The following FRMD5 variants were observed in gnomAD, a reference collection of about 807,000 sequenced individuals.
FRMD5 encodes the protein FERM domain containing 5.
In FRMD5, 20 loss-of-function variants were observed where a neutral mutation model predicts 69.0. The ratio of observed to expected loss-of-function variants is 0.29; its 90% CI spans 0.20 to 0.42. The LOEUF (loss-of-function observed/expected upper bound fraction) is 0.42. Among genes scored for constraint, FRMD5 ranks in the 10% least tolerant of loss-of-function variants. The pLI, the probability that FRMD5 is intolerant of heterozygous loss-of-function variation, is 1.00. For synonymous variants in FRMD5, 271 were observed against 260.1 expected, an observed-to-expected ratio of 1.04 and a Z score of -0.40; for missense variants, 595 against 708.6, an observed-to-expected ratio of 0.84 and a Z score of 1.82.
intron 1 of FRMD5, among the ~76,000 whole-genome samples, chr15:44,099,313 G>A (rs1213750521): frequency 6.6e-6 from 1 of 152,144 alleles, no homozygotes; most frequent in Admixed American, 6.5e-5. Context: ...GGTCTAGAGT[G>A]GGGCCTGAGA....
intron 1 of FRMD5, among the ~76,000 whole-genome samples, chr15:44,135,739 T>G (rs1595506061): frequency 6.7e-6 from 1 of 149,818 alleles, no homozygotes; most frequent in East Asian, 2.0e-4. Flanking sequence ...GCAGGAGAAT[T>G]GCTTGAATCC....
chr15:43,939,189 G>T (rs1247357448), intron 1 of FRMD5, among the ~76,000 whole-genome samples: 5 of 151,926 alleles, frequency 3.3e-5, no homozygotes, highest in African/African-American at 1.2e-4. Context: ...TTTATTTTTT[G>T]ATCAGAACAT....
chr15:44,167,788 G>A (rs895116231), intron 1 of FRMD5, among the ~76,000 whole-genome samples: 2 of 151,998 alleles, frequency 1.3e-5, no homozygotes, highest in Admixed American at 6.6e-5. Context: ...ACGGGGTTTC[G>A]CTATGTTGGC....
intron 1 of FRMD5, among the ~76,000 whole-genome samples, chr15:43,980,552 T>C (rs1595583461): frequency 1.3e-5 from 2 of 152,234 alleles, no homozygotes; most frequent in East Asian, 3.8e-4. Context: ...CTTTCAATAC[T>C]CCCTGGCTTG....
At chr15:44,028,048 C>A (rs1416339593) in intron 1 of FRMD5, among the ~76,000 whole-genome samples, 2 of 152,090 alleles carry the variant, frequency 1.3e-5, no homozygotes, top group Non-Finnish European at 2.9e-5. Flanking sequence ...ATCAATGGGG[C>A]AAGGATGTGT....
chr15:44,009,313 T>C (rs1419671513), intron 1 of FRMD5, among the ~76,000 whole-genome samples: 1 of 152,162 alleles, frequency 6.6e-6, no homozygotes, highest in Admixed American at 6.5e-5. Context: ...TAAACATGGC[T>C]GGGGGGAACC....
intron 1 of FRMD5, among the ~76,000 whole-genome samples, chr15:44,082,221 T>C (rs1262314099): frequency 6.6e-6 from 1 of 151,900 alleles, no homozygotes; most frequent in Non-Finnish European, 1.5e-5. Flanking sequence ...AGGGGAAAAG[T>C]TGAGTTTAAA....
intron 1 of FRMD5, among the ~76,000 whole-genome samples, chr15:43,955,423 G>C (rs893177170): frequency 2.6e-5 from 4 of 152,194 alleles, no homozygotes; most frequent in African/African-American, 9.7e-5. Flanking sequence ...ATCATCTCAA[G>C]CCAAAAATAC....
At chr15:44,160,816 A>T (rs1349877979) in intron 1 of FRMD5, among the ~76,000 whole-genome samples, 2 of 152,200 alleles carry the variant, frequency 1.3e-5, no homozygotes, top group Admixed American at 1.3e-4. Flanking sequence ...CTTGTCTATA[A>T]AATTCCCTTT....
At chr15:44,094,215 G>C (rs1032497321) in intron 1 of FRMD5, among the ~76,000 whole-genome samples, 1 of 152,194 alleles carries the variant, frequency 6.6e-6, no homozygotes, top group Non-Finnish European at 1.5e-5. Flanking sequence ...CTACCAAGTA[G>C]ACTGTGGAAC....
intron 13 of FRMD5, among the ~76,000 whole-genome samples, chr15:43,877,869 G>A (rs934743292): frequency 2.0e-5 from 3 of 152,220 alleles, no homozygotes; most frequent in African/African-American, 7.2e-5. Context: ...CCGCTTTCTA[G>A]TTCATGATCC....
intron 1 of FRMD5, among the ~76,000 whole-genome samples, chr15:44,085,119 T>C (rs977226878): frequency 5.9e-5 from 9 of 152,156 alleles, no homozygotes; most frequent in African/African-American, 2.2e-4. Context: ...ATTGCAACAA[T>C]CAGTTTGTTG....
intron 1 of FRMD5, among the ~76,000 whole-genome samples, chr15:43,978,140 G>T (rs1019176276): frequency 2.9e-4 from 44 of 152,302 alleles, no homozygotes; most frequent in African/African-American, 1.0e-3. Context: ...CTGTTTGGCC[G>T]TTGAGTTGCC....
chr15:44,183,662 T>C (rs1459387630), intron 1 of FRMD5, among the ~76,000 whole-genome samples: 1 of 152,132 alleles, frequency 6.6e-6, no homozygotes, highest in Non-Finnish European at 1.5e-5. Flanking sequence ...ATTAAGCCTC[T>C]ACCATCACAC....
chr15:43,902,432 A>G (rs1258788157), intron 6 of FRMD5, among the ~76,000 whole-genome samples, 170 bp from the exon 7 acceptor site: 2 of 152,162 alleles, frequency 1.3e-5, no homozygotes, highest in Non-Finnish European at 2.9e-5. Flanking sequence ...AGAGTCTCTG[A>G]CTGTCTTCAA....
chr15:43,916,859 A>C (rs1217168216), intron 4 of FRMD5, among the ~76,000 whole-genome samples: 1 of 151,104 alleles, frequency 6.6e-6, no homozygotes, highest in African/African-American at 2.4e-5. Context: ...GCTCACTGCA[A>C]CCTCTGCCTC....
At chr15:44,068,853 A>G (rs1212623470) in intron 1 of FRMD5, among the ~76,000 whole-genome samples, 1 of 152,216 alleles carries the variant, frequency 6.6e-6, no homozygotes, top group Admixed American at 6.5e-5. Context: ...GCTACAACAC[A>G]TCATAGAAGT....
At chr15:44,079,898 T>C (rs750804702) in intron 1 of FRMD5, among the ~76,000 whole-genome samples, 5 of 151,990 alleles carry the variant, frequency 3.3e-5, no homozygotes, top group Non-Finnish European at 7.4e-5. Context: ...AGGACGAATA[T>C]TGTATGATTA....
chr15:43,918,052 C>T (rs2089424967), intron 4 of FRMD5, among the ~76,000 whole-genome samples: 2 of 152,336 alleles, frequency 1.3e-5, no homozygotes, highest in East Asian at 1.9e-4. Flanking sequence ...TCTTGGCCCC[C>T]TCCTCTCCCC....
Sources: allele counts gnomAD v4.1 joint callset (sites outside exome capture counted in the v4.1 genomes callset), GRCh38; gene constraint gnomAD v4.1.1; transcripts MANE v1.5; gene names NCBI Gene and HGNC (gene_info 2026-07-23, HGNC 2026-07-21).